TUBB2B: variants seen among roughly 807,000 people sequenced by gnomAD.
TUBB2B encodes the protein tubulin beta 2B class IIb.
TUBB2B carries 5 observed loss-of-function variants against 35.0 expected under a neutral mutation model. That is an observed-to-expected ratio of 0.14 (90% CI 0.07 to 0.30). The LOEUF (loss-of-function observed/expected upper bound fraction) is 0.30. TUBB2B is among the 10% of genes least tolerant of loss of function. The pLI is 1.00. For synonymous variants in TUBB2B, 166 were observed against 250.5 expected (o/e 0.66, Z 3.18); for missense variants, 63 against 601.8 (o/e 0.10, Z 9.37).
chr6:3,227,635 C>T lies in TUBB2B; in HGVS notation c.-92G>A, dbSNP rs1422923762. ...ACTGCGGGGTCACCGGGAAGGCGCT[C>T]GGGAACCGACGGGCTGAGAGCGCCG... is the stretch of plus-strand genomic sequence containing the variant. On this transcript the variant is annotated 5_prime_UTR_variant, in exon 1 of 4. Transcript: ENST00000259818. This position sits in a 1 kb window ranked among gnomAD's most constrained non-coding sequence, Gnocchi z 7.8. The T allele has an allele frequency of 4.5e-6, 7 of 1,539,672 alleles. No homozygotes were observed. The South Asian group carries it at 6.9e-5, about 15-fold the overall frequency.
rs774651703 is a variant in TUBB2B, at chr6:3,226,774, G to T, written c.58-105C>A. On this transcript the variant is annotated intron_variant, in intron 1 of 3. Transcript: ENST00000259818. The surrounding 1 kb of genome is among the most constrained non-coding windows in gnomAD (Gnocchi z 5.5). ...GTTCCGACAACCCAACATTTCAGGAGCTTGAAGCTTTAAAGGGCGTCGTGA... is the reference window on the plus strand; with the variant it reads ...GTTCCGACAACCCAACATTTCAGGATCTTGAAGCTTTAAAGGGCGTCGTGA... The T allele has an allele frequency of 1.9e-6, 2 of 1,026,604 alleles. No homozygotes were observed. Among genetic ancestry groups the T allele is most frequent in the Non-Finnish European group, 3.1e-6 (2 of 647,352 alleles). The allele number at this position is 1,026,604 out of a possible 1,614,324, so 63.6% of individuals were successfully genotyped here. A position where few individuals can be genotyped will look rare whatever the true frequency, so the allele number is the denominator to read the frequency against.
Position 3,227,411 on chromosome 6 carries a change from C to A in TUBB2B, c.57+76G>T, listed in dbSNP as rs1273811260. 1.4e-5 allele frequency: 22 copies of A among 1,578,432 alleles called. No individual in the cohort carries two copies. Among genetic ancestry groups the A allele is most frequent in the Non-Finnish European group, 1.9e-5 (22 of 1,166,632 alleles). ...GGCGATCCCCAGGCCTTCCCAGGACCGCGCCTGGGGACCCCGAGGGGCTCT... is the reference window on the plus strand; with the variant it reads ...GGCGATCCCCAGGCCTTCCCAGGACAGCGCCTGGGGACCCCGAGGGGCTCT... On this transcript the variant is annotated intron_variant, in intron 1 of 3. Coordinates refer to ENST00000259818, the MANE Select transcript of TUBB2B (RefSeq NM_178012.5). The surrounding 1 kb of genome is among the most constrained non-coding windows in gnomAD (Gnocchi z 7.8).
rs1757294939 is a variant in TUBB2B, at chr6:3,226,917, C to G, written c.58-248G>C. On this transcript the variant is annotated intron_variant, in intron 1 of 3. Transcript: ENST00000259818. This position sits in a 1 kb window ranked among gnomAD's most constrained non-coding sequence, Gnocchi z 5.5. Reference sequence around the variant, plus strand: ...TAGGGGTCGAGGGGGTAAGGACCAGCCAAAGCCGGGCAGTGGCGGAGCTTG... The same window carrying G: ...TAGGGGTCGAGGGGGTAAGGACCAGGCAAAGCCGGGCAGTGGCGGAGCTTG... Among the ~76,000 whole-genome samples the G allele has an allele frequency of 6.6e-6, 1 of 152,082 alleles. No homozygotes were observed. Among genetic ancestry groups the G allele is most frequent in the African/African-American group, 2.4e-5 (1 of 41,420 alleles).
At position 3,227,440 on chromosome 6, in the gene TUBB2B, C is replaced by T; in HGVS notation, c.57+47G>A. 6.3e-7 allele frequency: 1 copy of T among 1,599,392 alleles called. No homozygotes were observed. The highest frequency in any genetic ancestry group is 8.5e-7 in the Non-Finnish European group (1 of 1,178,642). On this transcript the variant is annotated intron_variant, in intron 1 of 3. Coordinates refer to ENST00000259818, the MANE Select transcript of TUBB2B (RefSeq NM_178012.5). This position sits in a 1 kb window ranked among gnomAD's most constrained non-coding sequence, Gnocchi z 7.8. ...CCTGGGGACCCCGAGGGGCTCTCGG[C>T]CCAGGTTCGCGCCCCCATTGGACCC...
intron 3 of TUBB2B, 138 bp from the exon 4 acceptor site, chr6:3,225,949 A>G (rs1561826984): frequency 1.4e-6 from 2 of 1,471,996 alleles, no homozygotes; most frequent in East Asian, 2.5e-5. Flanking sequence ...AAACGTTAAA[A>G]TATTTGTTCA....
chr6:3,224,509 G>A lies in TUBB2B; in HGVS notation c.*242C>T. ...GAGAGGACACCATTCCGACACAAAC[G>A]TTTATGTGATTTTAGCCATTACAAC... On this transcript the variant is annotated 3_prime_UTR_variant, in exon 4 of 4. Coordinates refer to ENST00000259818, the MANE Select transcript of TUBB2B (RefSeq NM_178012.5). 1.6e-6 allele frequency: 1 copy of A among 627,136 alleles called. No homozygotes were observed. Among genetic ancestry groups the A allele is most frequent in the Non-Finnish European group, 2.7e-6 (1 of 365,824 alleles). 38.8% of individuals were successfully genotyped at this position (627,136 alleles called of 1,614,324 possible).
Position 3,224,718 on chromosome 6 carries a change from C to T in TUBB2B, c.*33G>A, listed in dbSNP as rs556702087. The T allele has an allele frequency of 1.9e-5, 31 of 1,612,400 alleles. No homozygotes were observed. Among genetic ancestry groups the T allele is most frequent in the South Asian group, 1.6e-4 (15 of 91,054 alleles). Reference sequence around the variant, plus strand: ...AGCCCCCCACCCCCTCGCTTTCCTCCTCCGCTTTCCCTAACCCGTCTCGCG... The same window carrying T: ...AGCCCCCCACCCCCTCGCTTTCCTCTTCCGCTTTCCCTAACCCGTCTCGCG... On this transcript the variant is annotated 3_prime_UTR_variant, in exon 4 of 4. Transcript: ENST00000259818.
Position 3,224,883 on chromosome 6 carries a change from G to T in TUBB2B, c.1206C>A (p.Gly402=). 3 of 1,604,324 alleles carry T rather than the reference G, an allele frequency of 1.9e-6. No individual in the cohort carries two copies. Among genetic ancestry groups the T allele is most frequent in the Non-Finnish European group, 2.5e-6 (3 of 1,178,046 alleles). ...CCTCGGTGAACTCCATCTCGTCCAT[G>T]CCCTCGCCCGTGTACCAGTGCAGGA... ...KAFLHWYTGE[G]MDEMEFTEAE... is the part of the protein sequence containing the mutation. The change falls in exon 4 of 4, where the codon GGC becomes GGA. Residue 402 remains glycine, a synonymous_variant. Coordinates refer to ENST00000259818, the MANE Select transcript of TUBB2B (RefSeq NM_178012.5).
Position 3,227,238 on chromosome 6 carries a change from A to C in TUBB2B, c.57+249T>G, listed in dbSNP as rs1423920913. ...CTCCAGGCACGCGTGCCTGCCAAGC[A>C]GCCAGCGCGGAGGGAGGCCGAGGGG... On this transcript the variant is annotated intron_variant, in intron 1 of 3. Coordinates refer to ENST00000259818, the MANE Select transcript of TUBB2B (RefSeq NM_178012.5). This position sits in a 1 kb window ranked among gnomAD's most constrained non-coding sequence, Gnocchi z 7.8. Among the ~76,000 whole-genome samples the C allele has an allele frequency of 2.0e-5, 3 of 151,884 alleles. No individual in the cohort carries two copies. The highest frequency in any genetic ancestry group is 2.9e-5 in the Non-Finnish European group (2 of 67,932).
In TUBB2B at chr6:3,224,734, C is replaced by A; in HGVS notation, c.*17G>T. ...GCTTTCCTCCTCCGCTTTCCCTAAC[C>A]CGTCTCGCGGGGGCATCTACGCCTC... is the stretch of plus-strand genomic sequence containing the variant. On this transcript the variant is annotated 3_prime_UTR_variant, in exon 4 of 4. Transcript: ENST00000259818. 1.2e-6 allele frequency: 2 copies of A among 1,613,836 alleles called. No homozygotes were observed. The highest frequency in any genetic ancestry group is 8.5e-7 in the Non-Finnish European group (1 of 1,179,848).
rs931958149 is a variant in TUBB2B at position 3,226,911 on chromosome 6, G to A, written c.58-242C>T. 6.6e-6 allele frequency among the ~76,000 whole-genome samples: 1 copy of A among 152,124 alleles called. No homozygotes were observed. Among genetic ancestry groups the A allele is most frequent in the African/African-American group, 2.4e-5 (1 of 41,424 alleles). ...GGGAGGTAGGGGTCGAGGGGGTAAG[G>A]ACCAGCCAAAGCCGGGCAGTGGCGG... On this transcript the variant is annotated intron_variant, in intron 1 of 3. Coordinates refer to ENST00000259818, the MANE Select transcript of TUBB2B (RefSeq NM_178012.5). This position sits in a 1 kb window ranked among gnomAD's most constrained non-coding sequence, Gnocchi z 5.5.
In TUBB2B at chr6:3,226,776, T is replaced by C. The variant is rs1757292517; in HGVS notation, c.58-107A>G. The C allele has an allele frequency of 9.8e-7, 1 of 1,024,982 alleles. No individual in the cohort carries two copies. Among genetic ancestry groups the C allele is most frequent in the African/African-American group, 1.6e-5 (1 of 63,588 alleles). 63.5% of individuals were successfully genotyped at this position (1,024,982 alleles called of 1,614,324 possible). A position where few individuals can be genotyped will look rare whatever the true frequency, so the allele number is the denominator to read the frequency against. ...TCCGACAACCCAACATTTCAGGAGC[T>C]TGAAGCTTTAAAGGGCGTCGTGACC... On this transcript the variant is annotated intron_variant, in intron 1 of 3. Coordinates refer to ENST00000259818, the MANE Select transcript of TUBB2B (RefSeq NM_178012.5). This position sits in a 1 kb window ranked among gnomAD's most constrained non-coding sequence, Gnocchi z 5.5.
intron 3 of TUBB2B, 65 bp from the exon 4 acceptor site, chr6:3,225,876 C>T: frequency 6.2e-7 from 1 of 1,603,666 alleles, no homozygotes; most frequent in Non-Finnish European, 8.5e-7. Context: ...CCTCAAACCC[C>T]TCAATATAGA....
In TUBB2B at chr6:3,224,715, C is replaced by T. The variant is rs761197642; in HGVS notation, c.*36G>A. Reference sequence around the variant, plus strand: ...GGAAGCCCCCCACCCCCTCGCTTTCCTCCTCCGCTTTCCCTAACCCGTCTC... The same window carrying T: ...GGAAGCCCCCCACCCCCTCGCTTTCTTCCTCCGCTTTCCCTAACCCGTCTC... On this transcript the variant is annotated 3_prime_UTR_variant, in exon 4 of 4. Coordinates refer to ENST00000259818, the MANE Select transcript of TUBB2B (RefSeq NM_178012.5). 6.2e-7 allele frequency: 1 copy of T among 1,612,094 alleles called. No homozygotes were observed. Among genetic ancestry groups the T allele is most frequent in the Non-Finnish European group, 8.5e-7 (1 of 1,178,472 alleles).
rs370337049 is a variant in TUBB2B at position 3,226,166 on chromosome 6, G to A, written c.270C>T (p.Phe90=). 104 of 1,613,724 alleles carry A rather than the reference G, an allele frequency of 6.4e-5. No homozygotes were observed. The highest frequency in any genetic ancestry group is 8.5e-5 in the Non-Finnish European group (100 of 1,179,906). The stretch of plus-strand genomic sequence containing the variant: ...GCCACACCAGGCACTCACCAAACAC[G>A]AAATTGTCTGGTCTGAAGATCTGGC... ...PFGQIFRPDN[F]VFGQSGAGNN... The change falls in exon 3 of 4, where the codon TTC becomes TTT. Residue 90 remains phenylalanine (F), a synonymous_variant. Coordinates refer to ENST00000259818, the MANE Select transcript of TUBB2B (RefSeq NM_178012.5). The surrounding 1 kb of genome is among the most constrained non-coding windows in gnomAD (Gnocchi z 5.5).
rs765818273 is a variant in TUBB2B at position 3,224,700 on chromosome 6, C to A, written c.*51G>T. The A allele has an allele frequency of 1.1e-5, 17 of 1,609,110 alleles. No homozygotes were observed. The highest frequency in any genetic ancestry group is 1.3e-5 in the Non-Finnish European group (15 of 1,176,688). ...CAGGTTATCGTCCCGGGAAGCCCCC[C>A]ACCCCCTCGCTTTCCTCCTCCGCTT... is the stretch of plus-strand genomic sequence containing the variant. On this transcript the variant is annotated 3_prime_UTR_variant, in exon 4 of 4. Transcript: ENST00000259818.
Position 3,225,666 on chromosome 6 carries a change from G to A in TUBB2B, c.423C>T (p.Gly141=), listed in dbSNP as rs1757278649. Residue 141 remains glycine, a synonymous_variant, in exon 4 of 4, where the codon GGC becomes GGT. Coordinates refer to ENST00000259818, the MANE Select transcript of TUBB2B (RefSeq NM_178012.5). The part of the protein sequence containing the change: ...QGFQLTHSLG[G]GTGSGMGTLL... ...GGGTGCCCATCCCGGACCCCGTGCC[G>A]CCCCCCAGAGAGTGGGTCAGCTGGA... 4 of 1,601,052 alleles carry A rather than the reference G, an allele frequency of 2.5e-6. No individual in the cohort carries two copies. The highest frequency in any genetic ancestry group is 2.3e-5 in the East Asian group (1 of 44,390).
In TUBB2B at chr6:3,227,597, C is replaced by G; in HGVS notation, c.-54G>C. The G allele has an allele frequency of 6.2e-7, 1 of 1,602,752 alleles. No homozygotes were observed. Among genetic ancestry groups the G allele is most frequent in the East Asian group, 2.2e-5 (1 of 44,460 alleles). On this transcript the variant is annotated 5_prime_UTR_variant, in exon 1 of 4. Coordinates refer to ENST00000259818, the MANE Select transcript of TUBB2B (RefSeq NM_178012.5). This position sits in a 1 kb window ranked among gnomAD's most constrained non-coding sequence, Gnocchi z 7.8. ...GCGGCGTCTGGGTCTGTCCGTCCTCCCCTCACACACCCACTGCGGGGTCAC... is the reference window on the plus strand; with the variant it reads ...GCGGCGTCTGGGTCTGTCCGTCCTCGCCTCACACACCCACTGCGGGGTCAC...
chr6:3,226,721 A>G lies in TUBB2B; in HGVS notation c.58-52T>C. 6.8e-7 allele frequency: 1 copy of G among 1,464,196 alleles called. No individual in the cohort carries two copies. The highest frequency in any genetic ancestry group is 9.6e-7 in the Non-Finnish European group (1 of 1,043,346). 90.7% of individuals were successfully genotyped at this position (1,464,196 alleles called of 1,614,324 possible). On this transcript the variant is annotated intron_variant, in intron 1 of 3. Coordinates refer to ENST00000259818, the MANE Select transcript of TUBB2B (RefSeq NM_178012.5). The surrounding 1 kb of genome is among the most constrained non-coding windows in gnomAD (Gnocchi z 5.5). ...ATGAACGATGCCCCCAGAAACGCCA[A>G]GGCTCACAATGAAATGTCCCCGACT...
Sources: allele counts gnomAD v4.1 joint callset (sites outside exome capture counted in the v4.1 genomes callset), GRCh38; gene constraint gnomAD v4.1.1; non-coding constraint Gnocchi (gnomAD v3.1); transcripts MANE v1.5; gene names NCBI Gene and HGNC (gene_info 2026-07-23, HGNC 2026-07-21).